Variants in CELF3 observed in about 807,000 individuals in gnomAD.
CELF3 encodes the protein CUGBP Elav-like family member 3.
In CELF3, 26 loss-of-function variants were observed where a neutral mutation model predicts 59.6. That is an observed-to-expected ratio of 0.44 (90% confidence interval 0.32 to 0.61). The LOEUF is 0.61. Ranked by LOEUF, CELF3 falls within the 20% of genes least tolerant of loss-of-function variation. The pLI is 0.06. For synonymous variants in CELF3, 245 were observed against 250.7 expected, an observed-to-expected ratio of 0.98 and a Z score of 0.22; for missense variants, 387 against 627.2, an observed-to-expected ratio of 0.62 and a Z score of 4.09.
intron 2 of CELF3, among the ~76,000 whole-genome samples, chr1:151,713,946 C>A (rs1184862978): frequency 1.3e-5 from 2 of 152,210 alleles, no homozygotes; most frequent in Non-Finnish European, 2.9e-5. Flanking sequence ...CCTCCCTGGG[C>A]ATACCTGGTG....
rs529727807 is a variant in CELF3 at position 151,709,859 on chromosome 1, G to A, written c.229-68C>T. 1.5e-5 allele frequency: 22 copies of A among 1,499,020 alleles called. No individual in the cohort carries two copies. The Admixed American group carries it at 2.8e-4, about 19-fold the overall frequency. 92.9% of individuals were successfully genotyped at this position (1,499,020 alleles called of 1,614,324 possible). A position where few individuals can be genotyped will look rare whatever the true frequency, so the allele number is the denominator to read the frequency against. On this transcript the variant is annotated intron_variant, in intron 2 of 12. Coordinates refer to ENST00000290583, the MANE Select transcript of CELF3 (RefSeq NM_007185.7). This position sits in a 1 kb window ranked among gnomAD's most constrained non-coding sequence, Gnocchi z 4.9. ...AACACCCAAGAGCCCTCCCAGGCCA[G>A]GCCCTGCAGAGAGACTAGAGGGGCA...
chr1:151,701,049 A>T lies in CELF3; in HGVS notation c.*2410T>A, dbSNP rs540742656. 1 of 152,422 alleles carries T rather than the reference A, an allele frequency of 6.6e-6. No homozygotes were observed. Among genetic ancestry groups the T allele is most frequent in the South Asian group, 2.1e-4 (1 of 4,832 alleles). 9.4% of individuals were successfully genotyped at this position (152,422 alleles called of 1,614,324 possible). A position where few individuals can be genotyped will look rare whatever the true frequency, so the allele number is the denominator to read the frequency against. On this transcript the variant is annotated 3_prime_UTR_variant, in exon 13 of 13. Transcript: ENST00000290583. ...GACTCTTGGCTTCTTGGGAGAACAA[A>T]TTGTAGGAGAGCAGGAAAAGAAACA...
rs897343086 is a variant in CELF3 at position 151,709,762 on chromosome 1, G to A, written c.258C>T (p.Ala86=). The change falls in exon 3 of 13, where the codon GCC becomes GCT. Residue 86 remains alanine, a synonymous_variant. Transcript: ENST00000290583. This position sits in a 1 kb window ranked among gnomAD's most constrained non-coding sequence, Gnocchi z 4.9. ...GMNRPIQVKP[A]DSESRGEDRK... ...ACCTACCTCCTCGGCTCTCGCTGTC[G>A]GCTGGCTTGACCTGGATCGGCCTGT... 1.7e-5 allele frequency: 28 copies of A among 1,614,016 alleles called. No individual in the cohort carries two copies. The highest frequency in any genetic ancestry group is 2.2e-5 in the East Asian group (1 of 44,886).
chr1:151,708,038 G>C, intron 5 of CELF3, 103 bp from the exon 6 acceptor site: 1 of 1,361,670 alleles, frequency 7.3e-7, no homozygotes, highest in Non-Finnish European at 9.9e-7. Flanking sequence ...GCATGGCTTG[G>C]CCTCTCTGAG....
chr1:151,703,047 T>G lies in CELF3; in HGVS notation c.*412A>C. 1 of 369,508 alleles carries G rather than the reference T, an allele frequency of 2.7e-6. No homozygotes were observed. The highest frequency in any genetic ancestry group is 5.5e-6 in the Non-Finnish European group (1 of 182,846). 22.9% of individuals were successfully genotyped at this position (369,508 alleles called of 1,614,324 possible). On this transcript the variant is annotated 3_prime_UTR_variant, in exon 13 of 13. Transcript: ENST00000290583. Reference sequence around the variant, plus strand: ...TGTGGGGAAGAGGCTGGGGTGAGGGTGAGCTGGGAGTGTGTGGCAGGCCCC... The same window carrying G: ...TGTGGGGAAGAGGCTGGGGTGAGGGGGAGCTGGGAGTGTGTGGCAGGCCCC...
rs200719632 is a variant in CELF3, at chr1:151,707,247, G to A, written c.820C>T (p.Pro274Ser). 1 of 1,560,080 alleles carries A rather than the reference G, an allele frequency of 6.4e-7. No homozygotes were observed. The highest frequency in any genetic ancestry group is 8.7e-7 in the Non-Finnish European group (1 of 1,155,246). ...TAGCCGTTGACGCCCAGGGCAGCCG[G>A]AATGGCAGAGACAGGCGTGGCAGCG... ...AIAATPVSAIPAALGVNGYSP... is the reference protein window; with the variant it reads ...AIAATPVSAISAALGVNGYSP... The change falls in exon 8 of 13, where the codon CCG becomes TCG. Residue 274 changes from proline to serine, a missense_variant. Around this residue, in one of 3 missense-constraint regions of CELF3, gnomAD observed 131 missense variants for 153.7 expected, o/e 0.85. Transcript: ENST00000290583.
At chr1:151,706,873 G>C (rs1558100257) in intron 8 of CELF3, 139 bp from the exon 9 acceptor site, 2 of 724,922 alleles carry the variant, frequency 2.8e-6, no homozygotes, top group East Asian at 2.8e-5. Context: ...TGAGAAGGCA[G>C]AAATGCACAA....
rs547129407 is a variant in CELF3, at chr1:151,709,146, G to A, written c.407-69C>T. ...CCTGCGGGACCCCGCGGTGGAACCC[G>A]ATGCCTAGGGAGTCTTGGGGGTGGA... On this transcript the variant is annotated intron_variant, in intron 4 of 12. Coordinates refer to ENST00000290583, the MANE Select transcript of CELF3 (RefSeq NM_007185.7). This position sits in a 1 kb window ranked among gnomAD's most constrained non-coding sequence, Gnocchi z 4.9. The A allele has an allele frequency of 5.5e-5, 89 of 1,605,410 alleles. No individual in the cohort carries two copies. The African/African-American group carries it at 9.2e-4, about 17-fold the overall frequency.
Position 151,712,427 on chromosome 1 carries a change from C to T in CELF3, c.228+2167G>A, listed in dbSNP as rs573037910. On this transcript the variant is annotated intron_variant, in intron 2 of 12. Transcript: ENST00000290583. ...CCACTCCTGGCTCCACACTTGTTCCCGGCGTCCCAGACCACTCACAGGTTC... is the reference window on the plus strand; with the variant it reads ...CCACTCCTGGCTCCACACTTGTTCCTGGCGTCCCAGACCACTCACAGGTTC... Among the ~76,000 whole-genome samples, 50 of 152,304 alleles carry T rather than the reference C, an allele frequency of 3.3e-4. 1 individual carries two copies. In the South Asian group the frequency reaches 9.7e-3, roughly 30 times the overall value.
intron 2 of CELF3, chr1:151,713,438 C>T (rs921089832): frequency 6.6e-6 from 1 of 152,262 alleles, no homozygotes; most frequent in Non-Finnish European, 1.5e-5. Flanking sequence ...CTTTATCTAC[C>T]TTTTCCTCTG....
At chr1:151,712,470 T>C (rs1673106501) in intron 2 of CELF3, among the ~76,000 whole-genome samples, 1 of 152,186 alleles carries the variant, frequency 6.6e-6, no homozygotes, top group Non-Finnish European at 1.5e-5. Context: ...GGGGCCAGAA[T>C]CCACCTTCCT....
At chr1:151,703,910 G>T (rs996152224) in intron 12 of CELF3, among the ~76,000 whole-genome samples, 2 of 152,006 alleles carry the variant, frequency 1.3e-5, no homozygotes, top group Non-Finnish European at 2.9e-5. Context: ...GACCACCCCC[G>T]GCCCCCAGTT....
intron 2 of CELF3, chr1:151,710,628 G>C (rs575980362): frequency 4.4e-6 from 2 of 456,310 alleles, no homozygotes; most frequent in Non-Finnish European, 8.8e-6. Context: ...CCCTCCTCCA[G>C]AGCAAATCCT....
chr1:151,712,962 ACACT>A (rs1434724071), intron 2 of CELF3, among the ~76,000 whole-genome samples: 2 of 152,054 alleles, frequency 1.3e-5, no homozygotes, highest in African/African-American at 4.8e-5. Context: ...GTGCAAACAC[ACACT>A]GAGGGGAGAA....
At chr1:151,715,699 G>A (rs1301928332) in intron 1 of CELF3, 177 bp downstream of exon 1, 10 of 1,544,134 alleles carry the variant, frequency 6.5e-6, no homozygotes, top group Non-Finnish European at 8.7e-6. Context: ...CCTTCACCGG[G>A]GTTTCCTGAT....
rs1672428362 is a variant in CELF3 at position 151,705,452 on chromosome 1, A to G, written c.1271-284T>C. ...TTGAAAACGGCCACTTCCAGACCCT[A>G]AATGGCTTCTGAAGCAGAGAAGAAC... On this transcript the variant is annotated intron_variant, in intron 11 of 12. Transcript: ENST00000290583. This position sits in a 1 kb window ranked among gnomAD's most constrained non-coding sequence, Gnocchi z 5.1. Among the ~76,000 whole-genome samples the G allele has an allele frequency of 6.6e-6, 1 of 152,186 alleles. No homozygotes were observed. The highest frequency in any genetic ancestry group is 3.2e-3 in the Middle Eastern group (1 of 316).
intron 2 of CELF3, chr1:151,713,709 T>TG (rs1673216982): frequency 6.5e-6 from 1 of 153,812 alleles, no homozygotes; most frequent in Non-Finnish European, 1.4e-5. Flanking sequence ...TGCATGGCCC[T>TG]TAACTCTGGC....
chr1:151,706,107 C>G, intron 10 of CELF3, 117 bp downstream of exon 10: 2 of 1,597,228 alleles, frequency 1.3e-6, no homozygotes, highest in South Asian at 2.2e-5. Flanking sequence ...CCGGCCACTC[C>G]CTCCCCACTT....
Position 151,709,959 on chromosome 1 carries a change from G to A in CELF3, c.229-168C>T, listed in dbSNP as rs944557184. 7 of 686,572 alleles carry A rather than the reference G, an allele frequency of 1.0e-5. No individual in the cohort carries two copies. The highest frequency in any genetic ancestry group is 1.9e-5 in the Non-Finnish European group (7 of 377,824). The allele number at this position is 686,572 out of a possible 1,614,324, so 42.5% of individuals were successfully genotyped here. On this transcript the variant is annotated intron_variant, in intron 2 of 12. Coordinates refer to ENST00000290583, the MANE Select transcript of CELF3 (RefSeq NM_007185.7). The surrounding 1 kb of genome is among the most constrained non-coding windows in gnomAD (Gnocchi z 4.9). The stretch of plus-strand genomic sequence containing the variant: ...TACTGTTCAGGATGAAGGCCTGAGG[G>A]GATCAGAGGCACAGAGAGAGAGGAT...
Sources: allele counts gnomAD v4.1 joint callset (sites outside exome capture counted in the v4.1 genomes callset), GRCh38; gene constraint gnomAD v4.1.1; regional missense constraint gnomAD v4.1.1; non-coding constraint Gnocchi (gnomAD v3.1); transcripts MANE v1.5; gene names NCBI Gene and HGNC (gene_info 2026-07-23, HGNC 2026-07-21).